NRG1: variants seen among roughly 807,000 people sequenced by gnomAD.
The protein encoded by NRG1 is pro-neuregulin-1, membrane-bound isoform.
A neutral mutation model predicts 63.8 loss-of-function variants in NRG1; 18 were observed. That is an observed-to-expected ratio of 0.28 (90% CI 0.19 to 0.42). The LOEUF (loss-of-function observed/expected upper bound fraction) is 0.42, where lower values mean the gene tolerates loss of function less well. NRG1 is among the 10% of genes least tolerant of loss of function. The pLI is 1.00. For missense variants in NRG1, 762 were observed against 814.7 expected (o/e 0.94, Z 0.79); for synonymous variants, 302 against 301.3 (o/e 1.00, Z -0.02).
intron 1 of NRG1, among the ~76,000 whole-genome samples, chr8:32,182,613 C>A (rs1841551881): frequency 6.6e-6 from 1 of 152,182 alleles, no homozygotes; most frequent in African/African-American, 2.4e-5. Context: ...CCAGCTAATT[C>A]TCGCACTCTC....
At chr8:32,680,738 A>G (rs985465295) in intron 5 of NRG1, among the ~76,000 whole-genome samples, 3 of 152,088 alleles carry the variant, frequency 2.0e-5, no homozygotes, top group Non-Finnish European at 4.4e-5. Flanking sequence ...GTTTATTATA[A>G]TGCCCTTAAA....
chr8:32,762,418 G>A (rs143887898), intron 11 of NRG1, among the ~76,000 whole-genome samples: 193 of 152,250 alleles, frequency 1.3e-3, no homozygotes, highest in Non-Finnish European at 2.3e-3. Flanking sequence ...TAGAGATTAT[G>A]GAGAGAAAAG....
At chr8:31,809,063 A>G (rs1822575639) in intron 1 of NRG1, among the ~76,000 whole-genome samples, 1 of 152,018 alleles carries the variant, frequency 6.6e-6, no homozygotes, top group African/African-American at 2.4e-5. Flanking sequence ...GTTTTTCTAC[A>G]GACTTGTGAA....
chr8:31,781,917 C>T (rs777140268), intron 1 of NRG1, among the ~76,000 whole-genome samples: 3 of 152,046 alleles, frequency 2.0e-5, no homozygotes, highest in African/African-American at 4.8e-5. Flanking sequence ...ATCTTTTTCT[C>T]TAGAGGAGAC....
At chr8:31,816,084 G>A (rs1274520897) in intron 1 of NRG1, among the ~76,000 whole-genome samples, 1 of 152,032 alleles carries the variant, frequency 6.6e-6, no homozygotes, top group Non-Finnish European at 1.5e-5. Context: ...GTACAGATTT[G>A]GCTTTGATGG....
At chr8:31,701,138 G>A (rs1039462780) in intron 1 of NRG1, among the ~76,000 whole-genome samples, 1 of 152,102 alleles carries the variant, frequency 6.6e-6, no homozygotes, top group Non-Finnish European at 1.5e-5. Context: ...TCTCTGTGAC[G>A]ATTCATTACA....
At chr8:32,357,501 A>G (rs1198098661) in intron 1 of NRG1, among the ~76,000 whole-genome samples, 4 of 152,084 alleles carry the variant, frequency 2.6e-5, no homozygotes, top group Non-Finnish European at 4.4e-5. Flanking sequence ...TTAAAGATTT[A>G]TTTCCCTTTT....
In NRG1 at chr8:32,552,313, G is replaced by A. The variant is rs150852601; in HGVS notation, c.100+3487G>A. On this transcript the variant is annotated intron_variant, in intron 1 of 11. Coordinates refer to ENST00000356819, the Ensembl canonical transcript of NRG1. Reference sequence around the variant, plus strand: ...TTGTTCTTACTCTGCACCTCTGCACGGAATTCTGTCTTTTTTCTTTTTCCT... The same window carrying A: ...TTGTTCTTACTCTGCACCTCTGCACAGAATTCTGTCTTTTTTCTTTTTCCT... Among the ~76,000 whole-genome samples the A allele has an allele frequency of 5.6e-3, 853 of 151,428 alleles. 4 individuals are homozygous for A. The highest frequency in any genetic ancestry group is 9.9e-3 in the Non-Finnish European group (672 of 67,920).
In NRG1 at chr8:31,768,125, G is replaced by T. The variant is rs561536890; in HGVS notation, c.37+128694G>T. Among the ~76,000 whole-genome samples the T allele has an allele frequency of 3.6e-4, 55 of 152,202 alleles. 1 individual carries two copies. The highest frequency in any genetic ancestry group is 1.2e-3 in the African/African-American group (48 of 41,532). ...ATCAGAGATTCAAAGAAGTAGAATGGGAGAGAGAAGGAGTTATATTTTTTT... is the reference window on the plus strand; with the variant it reads ...ATCAGAGATTCAAAGAAGTAGAATGTGAGAGAGAAGGAGTTATATTTTTTT... On this transcript the variant is annotated intron_variant, in intron 1 of 10. Transcript: ENST00000519301.
At chr8:32,593,115 C>T (rs980909989) in intron 1 of NRG1, among the ~76,000 whole-genome samples, 4 of 151,912 alleles carry the variant, frequency 2.6e-5, no homozygotes, top group Non-Finnish European at 2.9e-5. Context: ...GAGGAAGAGG[C>T]GGGCATTGGT....
intron 1 of NRG1, among the ~76,000 whole-genome samples, chr8:31,984,596 T>A (rs1404055081): frequency 1.3e-5 from 2 of 152,118 alleles, no homozygotes; most frequent in Admixed American, 6.6e-5. Context: ...AGAATGCTTG[T>A]GTTTGGTCCT....
chr8:32,749,531 CT>C (rs3832550), intron 7 of NRG1: 6 of 1,611,530 alleles, frequency 3.7e-6, no homozygotes, highest in Non-Finnish European at 5.1e-6. Context: ...CCCTTTCTTT[CT>C]TTTTTTTGTC....
At chr8:32,528,003 C>G (rs900857193) in intron 1 of NRG1, among the ~76,000 whole-genome samples, 3 of 152,178 alleles carry the variant, frequency 2.0e-5, no homozygotes, top group Admixed American at 6.5e-5. Context: ...GTGCCGTTCC[C>G]CTTTGCATCA....
chr8:32,248,973 C>T (rs1848836599), intron 1 of NRG1, among the ~76,000 whole-genome samples: 2 of 151,974 alleles, frequency 1.3e-5, no homozygotes, highest in African/African-American at 2.4e-5. Flanking sequence ...CTACAAGAGA[C>T]AGCTTTTTCC....
intron 1 of NRG1, among the ~76,000 whole-genome samples, chr8:32,526,720 T>C (rs1830883151): frequency 6.6e-6 from 1 of 152,212 alleles, no homozygotes; most frequent in East Asian, 1.9e-4. Flanking sequence ...GTGATCATCA[T>C]ACTCAAACAA....
chr8:32,253,831 G>C (rs904229555), intron 1 of NRG1, among the ~76,000 whole-genome samples: 2 of 151,764 alleles, frequency 1.3e-5, no homozygotes, highest in Admixed American at 6.6e-5. Flanking sequence ...TGGGCTTTTC[G>C]ATTGGTAGGC....
chr8:32,439,297 G>A (rs192171724), intron 1 of NRG1, among the ~76,000 whole-genome samples: 31 of 152,288 alleles, frequency 2.0e-4, no homozygotes, highest in Admixed American at 3.9e-4. Context: ...ACTGAGGAAT[G>A]AGGATACAAA....
chr8:32,555,287 A>G (rs953623339), intron 1 of NRG1, among the ~76,000 whole-genome samples: 1 of 152,156 alleles, frequency 6.6e-6, no homozygotes, highest in African/African-American at 2.4e-5. Flanking sequence ...TGGCATTGGA[A>G]AACTATAGGT....
chr8:32,039,369 A>T (rs987196073), intron 1 of NRG1, among the ~76,000 whole-genome samples: 1 of 152,318 alleles, frequency 6.6e-6, no homozygotes, highest in South Asian at 2.1e-4. Flanking sequence ...GCTTTAATTC[A>T]TAGGGCCAAT....
Sources: gnomAD v4.1 joint callset for allele counts (sites outside exome capture counted in the v4.1 genomes callset) on GRCh38, gnomAD v4.1.1 for gene constraint, MANE v1.5 for transcripts, NCBI Gene and HGNC (gene_info 2026-07-23, HGNC 2026-07-21) for gene names.